RNF43: variants seen among roughly 807,000 people sequenced by gnomAD.
The protein encoded by RNF43 is ring finger protein 43.
RNF43 carries 37 observed loss-of-function variants against 78.4 expected under a neutral mutation model. The ratio of observed to expected loss-of-function variants is 0.47; its 90% confidence interval spans 0.36 to 0.62. The LOEUF is 0.62. RNF43 is among the 20% of genes least tolerant of loss of function. The pLI, the probability that RNF43 is intolerant of heterozygous loss-of-function variation, is 0.00. For synonymous variants in RNF43, 347 were observed against 395.0 expected (o/e 0.88, Z 1.44); for missense variants, 774 against 1,007.9 (o/e 0.77, Z 3.14).
chr17:58,379,105 C>G (rs950392679), intron 2 of RNF43, among the ~76,000 whole-genome samples: 2 of 152,122 alleles, frequency 1.3e-5, no homozygotes, highest in African/African-American at 4.8e-5. Context: ...AGGTTGAGGT[C>G]CCCTAAATTC....
chr17:58,363,231 T>C (rs1972877770), intron 5 of RNF43, 44 bp downstream of exon 5: 1 of 1,605,670 alleles, frequency 6.2e-7, no homozygotes, highest in Non-Finnish European at 8.5e-7. Context: ...CAGGACAAAG[T>C]AGGGCTAAGT....
At position 58,358,326 on chromosome 17, in the gene RNF43, C is replaced by T. The variant is rs2143411750; in HGVS notation, c.1450G>A (p.Asp484Asn). Reference protein sequence around the residue: ...SSSDSVVNCTDISLQGVHGSS... With the variant: ...SSSDSVVNCTNISLQGVHGSS... ...CCATGGACCCCCTGTAGGCTGATGTCCGTGCAGTTGACCACAGAGTCACTG... is the reference window on the plus strand; with the variant it reads ...CCATGGACCCCCTGTAGGCTGATGTTCGTGCAGTTGACCACAGAGTCACTG... The change falls in exon 9 of 10, where the codon GAC becomes AAC. Residue 484 changes from aspartate (D) to asparagine (N), a missense_variant. Transcript: ENST00000407977. This position sits in a 1 kb window ranked among gnomAD's most constrained non-coding sequence, Gnocchi z 6.2. The T allele has an allele frequency of 6.2e-7, 1 of 1,614,190 alleles. No homozygotes were observed. Among genetic ancestry groups the T allele is most frequent in the Non-Finnish European group, 8.5e-7 (1 of 1,180,028 alleles).
At chr17:58,362,801 T>C (rs753522042) in intron 5 of RNF43, among the ~76,000 whole-genome samples, 153 bp from the exon 6 acceptor site, 2 of 152,162 alleles carry the variant, frequency 1.3e-5, no homozygotes, top group Non-Finnish European at 1.5e-5. Flanking sequence ...CAAGTGGGAT[T>C]AGGTGGGCCC....
In RNF43 at chr17:58,385,943, T is replaced by C. The variant is rs1378219826; in HGVS notation, c.253-14910A>G. Among the ~76,000 whole-genome samples, 4 of 151,704 alleles carry C rather than the reference T, an allele frequency of 2.6e-5. 1 individual carries two copies. Among genetic ancestry groups the C allele is most frequent in the South Asian group, 4.2e-4 (2 of 4,792 alleles). On this transcript the variant is annotated intron_variant, in intron 2 of 9. Coordinates refer to ENST00000407977, the MANE Select transcript of RNF43 (RefSeq NM_017763.6). ...GAAACATAGCAAGACCCCATCTCTA[T>C]GAAAAATTTTTTAAAAATTAGCTGG... is the stretch of plus-strand genomic sequence containing the variant.
At chr17:58,407,485 T>C (rs1973937406) in intron 2 of RNF43, among the ~76,000 whole-genome samples, 2 of 152,246 alleles carry the variant, frequency 1.3e-5, no homozygotes, top group South Asian at 2.1e-4. Context: ...TTTTAAATCA[T>C]TTTGGTTACT....
chr17:58,356,912 GAGA>G, intron 9 of RNF43: 1 of 36,228 alleles, frequency 2.8e-5, no homozygotes, highest in Non-Finnish European at 5.1e-5. Context: ...TTTTTTTTTT[GAGA>G]TGGAGTCTCA....
In RNF43 at chr17:58,370,935, G is replaced by A. The variant is rs756852848; in HGVS notation, c.351C>T (p.Arg117=). The A allele has an allele frequency of 3.1e-6, 5 of 1,607,310 alleles. No homozygotes were observed. The highest frequency in any genetic ancestry group is 4.3e-6 in the Non-Finnish European group (5 of 1,176,254). Residue 117 remains arginine, a synonymous_variant, in exon 3 of 10, where the codon CGC becomes CGT. Transcript: ENST00000407977. ...VKLESPRRAP[R]PCLSLASKAR... ...CCTTGCTAGCCAGTGACAGGCAGGG[G>A]CGGGGGGCCCGTCGAGGACTCTCCA...
chr17:58,412,820 T>C (rs893384656), intron 2 of RNF43, among the ~76,000 whole-genome samples: 1 of 152,028 alleles, frequency 6.6e-6, no homozygotes, highest in South Asian at 2.1e-4. Flanking sequence ...AATAACAACA[T>C]GGTTTTTTTT....
rs1459220794 is a variant in RNF43 at position 58,383,464 on chromosome 17, G to A, written c.253-12431C>T. ...GAGCACACCACCAAGCCTGGTTAATGTTTTTAATTTCTATTTTTGGTAAAG... is the reference window on the plus strand; with the variant it reads ...GAGCACACCACCAAGCCTGGTTAATATTTTTAATTTCTATTTTTGGTAAAG... On this transcript the variant is annotated intron_variant, in intron 2 of 9. Coordinates refer to ENST00000407977, the MANE Select transcript of RNF43 (RefSeq NM_017763.6). Among the ~76,000 whole-genome samples, 6 of 151,828 alleles carry A rather than the reference G, an allele frequency of 4.0e-5. 1 individual carries two copies. The highest frequency in any genetic ancestry group is 4.2e-4 in the South Asian group (2 of 4,814).
chr17:58,355,287 A>T lies in RNF43; in HGVS notation c.2309-301T>A, dbSNP rs909321026. 2.0e-5 allele frequency among the ~76,000 whole-genome samples: 3 copies of T among 152,238 alleles called. No homozygotes were observed. In the South Asian group the frequency reaches 6.2e-4, roughly 31 times the overall value. On this transcript the variant is annotated intron_variant, in intron 9 of 9. Transcript: ENST00000407977. The stretch of plus-strand genomic sequence containing the variant: ...TGGTCTGCTACCACGTGCCAAATAG[A>T]AGACCAAAAAGAATAAGCAGGGACC...
chr17:58,369,093 G>GCA (rs151337733), intron 3 of RNF43, among the ~76,000 whole-genome samples: 106 of 144,606 alleles, frequency 7.3e-4, no homozygotes, highest in African/African-American at 2.4e-3. Context: ...ACACACACAC[G>GCA]CACACACACA....
At chr17:58,376,492 T>G (rs1285911274) in intron 2 of RNF43, among the ~76,000 whole-genome samples, 1 of 152,196 alleles carries the variant, frequency 6.6e-6, no homozygotes, top group Non-Finnish European at 1.5e-5. Flanking sequence ...TTTTCAAATA[T>G]TCTCAAATTA....
intron 2 of RNF43, among the ~76,000 whole-genome samples, chr17:58,412,647 A>G (rs1336436735): frequency 2.6e-5 from 3 of 114,794 alleles, no homozygotes; most frequent in Non-Finnish European, 5.1e-5. Context: ...TTGGGGGCAC[A>G]TTGTCAAGGG....
chr17:58,386,681 A>C (rs1973444638), intron 2 of RNF43, among the ~76,000 whole-genome samples: 1 of 152,236 alleles, frequency 6.6e-6, no homozygotes, highest in Non-Finnish European at 1.5e-5. Context: ...TCTGTGACTT[A>C]TTAAAATCCT....
intron 2 of RNF43, among the ~76,000 whole-genome samples, chr17:58,401,577 AAAATGG>A (rs1230940008): frequency 6.6e-6 from 1 of 152,220 alleles, no homozygotes; most frequent in African/African-American, 2.4e-5. Flanking sequence ...CAAAACAATA[AAAATGG>A]AAACAAAATG....
At chr17:58,409,873 A>T (rs1313447619) in intron 2 of RNF43, among the ~76,000 whole-genome samples, 1 of 152,180 alleles carries the variant, frequency 6.6e-6, no homozygotes, top group Non-Finnish European at 1.5e-5. Context: ...AAGACAGAAC[A>T]AGACCCTATC....
rs1973335118 is a variant in RNF43, at chr17:58,382,233, T to G, written c.253-11200A>C. ...AAAACATTAGTTCTTTCCTCCTTCCTGCAAAGTAGAATCTGAGCTCCTTGA... is the reference window on the plus strand; with the variant it reads ...AAAACATTAGTTCTTTCCTCCTTCCGGCAAAGTAGAATCTGAGCTCCTTGA... On this transcript the variant is annotated intron_variant, in intron 2 of 9. Transcript: ENST00000407977. Among the ~76,000 whole-genome samples the G allele has an allele frequency of 1.3e-5, 2 of 152,196 alleles. 1 individual carries two copies. Among genetic ancestry groups the G allele is most frequent in the Non-Finnish European group, 2.9e-5 (2 of 68,036 alleles).
intron 2 of RNF43, among the ~76,000 whole-genome samples, chr17:58,377,077 C>T (rs899047781): frequency 6.6e-6 from 1 of 152,198 alleles, no homozygotes; most frequent in East Asian, 1.9e-4. Context: ...TTTCCCCTCC[C>T]TCCCAAGACA....
At position 58,358,512 on chromosome 17, in the gene RNF43, G is replaced by T. The variant is rs1168203256; in HGVS notation, c.1264C>A (p.Gln422Lys). 3.1e-6 allele frequency: 5 copies of T among 1,613,532 alleles called. 1 individual carries two copies. The highest frequency in any genetic ancestry group is 1.3e-5 in the African/African-American group (1 of 74,932). ...YAQGWGLSHL[Q>K]STSQHPAACP... Reference sequence around the variant, plus strand: ...GCAGCAGGGTGCTGTGAGGTGGATTGGAGGTGGCTCAGTCCCCAGCCTTGT... The same window carrying T: ...GCAGCAGGGTGCTGTGAGGTGGATTTGAGGTGGCTCAGTCCCCAGCCTTGT... Residue 422 changes from glutamine to lysine, a missense_variant, in exon 9 of 10, where the codon CAA (glutamine) becomes AAA (lysine). By Grantham distance (53) the Gln-to-Lys change is moderately conservative. Transcript: ENST00000407977. This position sits in a 1 kb window ranked among gnomAD's most constrained non-coding sequence, Gnocchi z 6.2.
Sources: allele counts gnomAD v4.1 joint callset (sites outside exome capture counted in the v4.1 genomes callset), GRCh38; gene constraint gnomAD v4.1.1; non-coding constraint Gnocchi (gnomAD v3.1); transcripts MANE v1.5; gene names NCBI Gene and HGNC (gene_info 2026-07-23, HGNC 2026-07-21).